Variants in PTPRM observed in about 807,000 individuals in gnomAD.
PTPRM encodes the protein protein tyrosine phosphatase receptor type M.
PTPRM carries 47 observed loss-of-function variants against 186.7 expected under a neutral mutation model. The observed-to-expected ratio is 0.25, with a 90% CI of 0.20 to 0.32. PTPRM has a LOEUF of 0.32. PTPRM is among the 10% of genes least tolerant of loss of function. The probability of loss-of-function intolerance (pLI) is 1.00; values close to 1 mark genes in which losing one functional copy is unlikely to be tolerated. For missense variants in PTPRM, 1,494 were observed against 1,865.0 expected, an observed-to-expected ratio of 0.80 and a Z score of 3.66; for synonymous variants, 668 against 674.9, an observed-to-expected ratio of 0.99 and a Z score of 0.16.
intron 1 of PTPRM, among the ~76,000 whole-genome samples, chr18:7,650,116 G>C (rs937940284): frequency 6.6e-6 from 1 of 152,106 alleles, no homozygotes; most frequent in Non-Finnish European, 1.5e-5. Flanking sequence ...GTATTCAGGG[G>C]ATGCAGAGCT....
intron 2 of PTPRM, among the ~76,000 whole-genome samples, chr18:7,783,492 GAA>G (rs1422505988): frequency 6.6e-6 from 1 of 152,154 alleles, no homozygotes; most frequent in Non-Finnish European, 1.5e-5. Context: ...CTAAAGACCA[GAA>G]AGTCCAACGC....
intron 1 of PTPRM, among the ~76,000 whole-genome samples, chr18:7,676,700 C>T (rs918447405): frequency 4.9e-4 from 75 of 151,612 alleles, no homozygotes; most frequent in African/African-American, 1.0e-3. Context: ...CGCGTGCACG[C>T]GCACGCGCAT....
intron 2 of PTPRM, among the ~76,000 whole-genome samples, chr18:7,845,790 G>T (rs1360357209): frequency 1.3e-5 from 2 of 151,984 alleles, no homozygotes; most frequent in Non-Finnish European, 2.9e-5. Flanking sequence ...GTGCAGTTTT[G>T]CAGGTGGGAT....
chr18:7,881,557 C>G (rs2048509611), intron 2 of PTPRM, among the ~76,000 whole-genome samples: 2 of 152,202 alleles, frequency 1.3e-5, no homozygotes, highest in Non-Finnish European at 2.9e-5. Context: ...TTGCATTCCC[C>G]TTGGCCCTAT....
At chr18:8,069,361 C>T (rs973717871) in intron 7 of PTPRM, among the ~76,000 whole-genome samples, 4 of 152,154 alleles carry the variant, frequency 2.6e-5, no homozygotes, top group Non-Finnish European at 4.4e-5. Flanking sequence ...TATCCTCCAT[C>T]CAGCTAATAG....
intron 2 of PTPRM, among the ~76,000 whole-genome samples, chr18:7,791,413 A>G (rs560116117): frequency 2.7e-4 from 41 of 152,188 alleles, no homozygotes; most frequent in Non-Finnish European, 4.9e-4. Context: ...ATTATAGTCT[A>G]TTGTGGTCCC....
chr18:8,240,817 AGAGAGAG>A (rs2094424422), intron 14 of PTPRM, among the ~76,000 whole-genome samples: 13 of 34,724 alleles, frequency 3.7e-4, no homozygotes, highest in African/African-American at 2.1e-3. Context: ...AGAGAGAGAG[AGAGAGAG>A]AGAAAGAAAG....
chr18:7,678,419 T>C (rs185266977), intron 1 of PTPRM, among the ~76,000 whole-genome samples: 47 of 152,326 alleles, frequency 3.1e-4, no homozygotes, highest in African/African-American at 9.4e-4. Flanking sequence ...GATGGAGTTC[T>C]GTATATGAGA....
chr18:7,948,784 G>A (rs1201117353), intron 5 of PTPRM, among the ~76,000 whole-genome samples: 14 of 151,446 alleles, frequency 9.2e-5, no homozygotes, highest in Non-Finnish European at 2.1e-4. Context: ...AATGAGGTCA[G>A]TAATAGGATA....
intron 31 of PTPRM, among the ~76,000 whole-genome samples, chr18:8,391,314 A>G (rs903100007): frequency 2.6e-4 from 40 of 152,354 alleles, no homozygotes; most frequent in East Asian, 3.9e-4. Context: ...TCACAGGTTT[A>G]CTCATAATAT....
At chr18:8,333,607 A>G (rs117512810) in intron 22 of PTPRM, among the ~76,000 whole-genome samples, 3,945 of 152,284 alleles carry the variant, frequency 0.026, 78 homozygotes, top group Non-Finnish European at 0.04. Context: ...ATTATCACCA[A>G]CAGCAACAGG....
At chr18:7,973,616 CAAA>C (rs934355550) in intron 7 of PTPRM, among the ~76,000 whole-genome samples, 1 of 151,940 alleles carries the variant, frequency 6.6e-6, no homozygotes, top group African/African-American at 2.4e-5. Flanking sequence ...CATATGTTTT[CAAA>C]ATATTTTTCT....
intron 1 of PTPRM, among the ~76,000 whole-genome samples, chr18:7,718,956 AAC>A (rs1401454655): frequency 6.6e-6 from 1 of 152,254 alleles, no homozygotes; most frequent in Non-Finnish European, 1.5e-5. Flanking sequence ...TGGGAATGTA[AAC>A]TAGTACAACC....
chr18:7,960,468 T>TACAC (rs1410469673), intron 7 of PTPRM, among the ~76,000 whole-genome samples: 1 of 123,292 alleles, frequency 8.1e-6, no homozygotes, highest in African/African-American at 3.2e-5. Context: ...TATATATATA[T>TACAC]ATATATATAT....
intron 7 of PTPRM, among the ~76,000 whole-genome samples, chr18:7,983,643 C>T (rs1030121562): frequency 1.3e-5 from 2 of 152,084 alleles, no homozygotes; most frequent in Non-Finnish European, 2.9e-5. Flanking sequence ...AGATTTTAAA[C>T]ATTTAAGTAA....
At chr18:7,597,129 G>A (rs753714488) in intron 1 of PTPRM, among the ~76,000 whole-genome samples, 1 of 152,124 alleles carries the variant, frequency 6.6e-6, no homozygotes. Context: ...TGCTGGGATT[G>A]TTGAGCCACT....
intron 19 of PTPRM, among the ~76,000 whole-genome samples, chr18:8,287,504 G>A (rs1445993507): frequency 1.3e-5 from 2 of 152,182 alleles, no homozygotes; most frequent in Admixed American, 1.3e-4. Flanking sequence ...CAGTCAGGAG[G>A]CTACTGCAAT....
At chr18:8,035,370 A>G (rs1319832114) in intron 7 of PTPRM, among the ~76,000 whole-genome samples, 7 of 151,968 alleles carry the variant, frequency 4.6e-5, no homozygotes. Flanking sequence ...TCCAGGGGGG[A>G]TTAGTTCCAA....
At chr18:7,859,222 G>C (rs979943993) in intron 2 of PTPRM, among the ~76,000 whole-genome samples, 6 of 152,144 alleles carry the variant, frequency 3.9e-5, no homozygotes, top group Non-Finnish European at 8.8e-5. Context: ...TGATAAATAT[G>C]TATTATGTAT....
Sources: allele counts gnomAD v4.1 joint callset (sites outside exome capture counted in the v4.1 genomes callset), GRCh38; gene constraint gnomAD v4.1.1; transcripts MANE v1.5; gene names NCBI Gene and HGNC (gene_info 2026-07-23, HGNC 2026-07-21).